Variants in PDE10A observed in about 807,000 individuals in gnomAD.
PDE10A encodes cAMP and cAMP-inhibited cGMP 3',5'-cyclic phosphodiesterase 10A.
Under a neutral mutation model 97.7 loss-of-function variants are expected in PDE10A, and 39 were observed. The observed-to-expected ratio is 0.40, with a 90% CI of 0.31 to 0.52. PDE10A has a LOEUF of 0.52. Among genes scored for constraint, PDE10A ranks in the 20% least tolerant of loss-of-function variants. The pLI, the probability that PDE10A is intolerant of heterozygous loss-of-function variation, is 0.56. For synonymous variants in PDE10A, 371 were observed against 376.8 expected (o/e 0.98, Z 0.18); for missense variants, 731 against 1,047.8 (o/e 0.70, Z 4.17).
chr6:165,885,538 G>C (rs1283841768), intron 1 of PDE10A, among the ~76,000 whole-genome samples: 2 of 152,186 alleles, frequency 1.3e-5, no homozygotes, highest in African/African-American at 4.8e-5. Context: ...CATATCAGTG[G>C]GTGAGGATGA....
intron 18 of PDE10A, among the ~76,000 whole-genome samples, chr6:165,362,823 C>G: frequency 6.6e-6 from 1 of 152,168 alleles, no homozygotes; most frequent in East Asian, 1.9e-4. Flanking sequence ...AACGAAATAT[C>G]ATCAAGCCAA....
chr6:165,436,780 A>G (rs184383037), intron 5 of PDE10A, among the ~76,000 whole-genome samples: 72 of 152,312 alleles, frequency 4.7e-4, no homozygotes, highest in Non-Finnish European at 6.3e-4. Context: ...TCTAGTTACT[A>G]TAATTACATT....
chr6:165,934,122 T>C (rs561472073), intron 1 of PDE10A, among the ~76,000 whole-genome samples: 1 of 150,778 alleles, frequency 6.6e-6, no homozygotes, highest in Non-Finnish European at 1.5e-5. Flanking sequence ...TAGCTGGGAT[T>C]ACAGGCATGC....
At chr6:165,451,276 C>T (rs1791271907) in intron 3 of PDE10A, among the ~76,000 whole-genome samples, 1 of 152,162 alleles carries the variant, frequency 6.6e-6, no homozygotes, top group South Asian at 2.1e-4. Context: ...AGATGTCAAC[C>T]CCCACCCTGC....
intron 1 of PDE10A, among the ~76,000 whole-genome samples, chr6:165,803,048 T>C (rs1779023762): frequency 6.6e-6 from 1 of 152,246 alleles, no homozygotes; most frequent in South Asian, 2.1e-4. Context: ...ATTGATACAT[T>C]GCCGATAATT....
chr6:165,688,578 G>A (rs9688563), intron 1 of PDE10A, among the ~76,000 whole-genome samples: 102,038 of 152,032 alleles, frequency 0.67, 37,670 homozygotes, highest in Non-Finnish European at 0.84. Context: ...ATTCGCAACT[G>A]TTGGTGTGAT....
intron 1 of PDE10A, among the ~76,000 whole-genome samples, chr6:165,748,939 C>A (rs950246759): frequency 2.0e-5 from 3 of 152,186 alleles, no homozygotes; most frequent in Middle Eastern, 3.4e-3. Flanking sequence ...TATGCCACTG[C>A]CGCTGTGCAA....
At chr6:165,719,174 G>C (rs990796859) in intron 1 of PDE10A, among the ~76,000 whole-genome samples, 1 of 152,124 alleles carries the variant, frequency 6.6e-6, no homozygotes, top group Admixed American at 6.5e-5. Context: ...AAAAGCAACT[G>C]AGGAAAAGAA....
chr6:165,570,748 C>T (rs1244878265), intron 1 of PDE10A, among the ~76,000 whole-genome samples: 1 of 152,156 alleles, frequency 6.6e-6, no homozygotes, highest in Non-Finnish European at 1.5e-5. Context: ...TCTTAATCAT[C>T]TTATCCTCAG....
chr6:165,823,513 T>C (rs1461372723), intron 1 of PDE10A, among the ~76,000 whole-genome samples: 1 of 127,718 alleles, frequency 7.8e-6, no homozygotes, highest in African/African-American at 2.9e-5. Context: ...TATATATATA[T>C]ATATATATAT....
At chr6:165,476,873 T>C (rs926245420) in intron 3 of PDE10A, among the ~76,000 whole-genome samples, 1 of 152,126 alleles carries the variant, frequency 6.6e-6, no homozygotes, top group African/African-American at 2.4e-5. Flanking sequence ...ACCCACAAAT[T>C]CTAGACCTGG....
At chr6:165,855,002 A>AATGAATGAATGAATGAATGAATGAATGC (rs1780684605) in intron 1 of PDE10A, among the ~76,000 whole-genome samples, 2 of 92,372 alleles carry the variant, frequency 2.2e-5, no homozygotes, top group Admixed American at 2.1e-4. Context: ...TGAATGAATG[A>AATGAATGAATGAATGAATGAATGAATGC]ATGAATGAAT....
At chr6:165,912,194 T>A (rs1460546337) in intron 1 of PDE10A, among the ~76,000 whole-genome samples, 2 of 152,088 alleles carry the variant, frequency 1.3e-5, no homozygotes, top group Non-Finnish European at 2.9e-5. Flanking sequence ...CTATCATCTA[T>A]CATCTATCCA....
intron 1 of PDE10A, among the ~76,000 whole-genome samples, chr6:165,826,955 G>A (rs1032157767): frequency 6.6e-6 from 1 of 152,140 alleles, no homozygotes; most frequent in South Asian, 2.1e-4. Flanking sequence ...GAGGTAGGAA[G>A]TGGGGACAGA....
At chr6:165,716,861 A>C (rs577709827) in intron 1 of PDE10A, among the ~76,000 whole-genome samples, 1 of 152,334 alleles carries the variant, frequency 6.6e-6, no homozygotes, top group Non-Finnish European at 1.5e-5. Flanking sequence ...AACATACATA[A>C]AATTCATCAT....
chr6:165,634,168 T>C (rs755996444), intron 1 of PDE10A, among the ~76,000 whole-genome samples: 7 of 152,266 alleles, frequency 4.6e-5, no homozygotes, highest in East Asian at 1.9e-4. Flanking sequence ...TTTCAGGCCA[T>C]GTGCTTTGAG....
intron 1 of PDE10A, among the ~76,000 whole-genome samples, chr6:165,657,432 T>G (rs1360257395): frequency 6.6e-6 from 1 of 152,276 alleles, no homozygotes; most frequent in Non-Finnish European, 1.5e-5. Context: ...ATATTCGTTT[T>G]ACATGAAAAT....
chr6:165,890,253 T>G (rs1781754428), intron 1 of PDE10A, among the ~76,000 whole-genome samples: 2 of 152,132 alleles, frequency 1.3e-5, no homozygotes. Context: ...AGCCTGCTGT[T>G]TCTCTCTTTC....
rs866196018 is a variant in PDE10A, at chr6:165,611,115, T to C, written c.865+50832A>G. 3.1e-4 allele frequency among the ~76,000 whole-genome samples: 47 copies of C among 152,076 alleles called. 1 individual carries two copies. Among genetic ancestry groups the C allele is most frequent in the Admixed American group, 8.5e-4 (13 of 15,274 alleles). ...TACATTTGTTTTTCAAAAGATCCTT[T>C]TGACTGCAAGAAACAAAAGCCCAAT... On this transcript the variant is annotated intron_variant, in intron 1 of 21. Coordinates refer to ENST00000539869, the MANE Select transcript of PDE10A (RefSeq NM_001385079.1).
Sources: allele counts gnomAD v4.1 joint callset (sites outside exome capture counted in the v4.1 genomes callset), GRCh38; gene constraint gnomAD v4.1.1; transcripts MANE v1.5; gene names NCBI Gene and HGNC (gene_info 2026-07-23, HGNC 2026-07-21).